SLC12A5: variants seen among roughly 807,000 people sequenced by gnomAD.
The protein encoded by SLC12A5 is K-Cl cotransporter 2.
SLC12A5 carries 18 observed loss-of-function variants against 124.0 expected under a neutral mutation model. That is an observed-to-expected ratio of 0.15 (90% confidence interval 0.10 to 0.22). SLC12A5 has a LOEUF of 0.22. SLC12A5 is among the 10% of genes least tolerant of loss of function. SLC12A5 has a pLI of 1.00. For synonymous variants in SLC12A5, 589 were observed against 568.0 expected (o/e 1.04, Z -0.53); for missense variants, 867 against 1,478.7 (o/e 0.59, Z 6.78).
In SLC12A5 at chr20:46,059,817, T is replaced by C. The variant is rs1568871591; in HGVS notation, c.*2212T>C. On this transcript the variant is annotated 3_prime_UTR_variant, in exon 26 of 26. Coordinates refer to ENST00000243964, the MANE Select transcript of SLC12A5 (RefSeq NM_020708.5). ...TCAATAGCCTTGTAGTGATAACTAG[T>C]GTTGCTTTTGTTTTAGATGATCTAT... 1 of 395,578 alleles carries C rather than the reference T, an allele frequency of 2.5e-6. No individual in the cohort carries two copies. The highest frequency in any genetic ancestry group is 4.5e-6 in the Non-Finnish European group (1 of 224,518). The allele number at this position is 395,578 out of a possible 1,614,324, so 24.5% of individuals were successfully genotyped here. A position where few individuals can be genotyped will look rare whatever the true frequency, so the allele number is the denominator to read the frequency against.
Position 46,034,836 on chromosome 20 carries a change from T to C in SLC12A5, c.53-112T>C, listed in dbSNP as rs11699481. ...AAGGAAGGTGGTATTAGCCCCATTT[T>C]CCCAATGCGCGAACTGAGATTCAGA... is the stretch of plus-strand genomic sequence containing the variant. On this transcript the variant is annotated intron_variant, in intron 1 of 25. Transcript: ENST00000243964. 0.38 allele frequency: 350,728 copies of C among 928,350 alleles called. 75,552 individuals carry two copies. Among genetic ancestry groups the C allele is most frequent in the Middle Eastern group, 0.49 (2,149 of 4,418 alleles). The allele number at this position is 928,350 out of a possible 1,614,324, so 57.5% of individuals were successfully genotyped here. A position where few individuals can be genotyped will look rare whatever the true frequency, so the allele number is the denominator to read the frequency against.
Position 46,052,949 on chromosome 20 carries a change from TC to T in SLC12A5, c.2378-5del. 6.2e-7 allele frequency: 1 copy of T among 1,602,274 alleles called. No homozygotes were observed. Among genetic ancestry groups the T allele is most frequent in the South Asian group, 1.1e-5 (1 of 90,494 alleles). On this transcript the variant is annotated splice_region_variant and splice_polypyrimidine_tract_variant and intron_variant, in intron 18 of 25. Coordinates refer to ENST00000243964, the MANE Select transcript of SLC12A5 (RefSeq NM_020708.5). ...TCCCCCTCTGGCCCTCTCCTTGGCC[TC>T]CCTCAGAGCTGGTCCGGGAAACCAC...
chr20:46,039,777 A>G (rs1310815757), intron 6 of SLC12A5, among the ~76,000 whole-genome samples: 1 of 151,058 alleles, frequency 6.6e-6, no homozygotes, highest in African/African-American at 2.4e-5. Context: ...CTTTATTTCA[A>G]AAAAAAAACA....
At chr20:46,032,818 A>T (rs544029935) in intron 1 of SLC12A5, among the ~76,000 whole-genome samples, 49 of 152,276 alleles carry the variant, frequency 3.2e-4, no homozygotes, top group African/African-American at 1.1e-3. Flanking sequence ...TCAGCATTTT[A>T]AAAGGACCTC....
At position 46,044,949 on chromosome 20, in the gene SLC12A5, T is replaced by C. The variant is rs1451075393; in HGVS notation, c.1395-17T>C. The C allele has an allele frequency of 1.9e-6, 3 of 1,614,204 alleles. No homozygotes were observed. The highest frequency in any genetic ancestry group is 1.1e-5 in the South Asian group (1 of 91,086). Reference sequence around the variant, plus strand: ...GCAGCACTGCTCACCTGGCATCTCCTGTCCACATCATTCCAGGTTTGGCGA... The same window carrying C: ...GCAGCACTGCTCACCTGGCATCTCCCGTCCACATCATTCCAGGTTTGGCGA... On this transcript the variant is annotated splice_polypyrimidine_tract_variant and intron_variant, in intron 11 of 25. Coordinates refer to ENST00000243964, the MANE Select transcript of SLC12A5 (RefSeq NM_020708.5).
intron 7 of SLC12A5, chr20:46,040,912 G>A: frequency 2.2e-6 from 1 of 455,596 alleles, no homozygotes; most frequent in South Asian, 2.5e-5. Flanking sequence ...GTCTGTGGTA[G>A]GGAAACCTTT....
At chr20:46,054,725 A>G (rs927714007) in intron 20 of SLC12A5, among the ~76,000 whole-genome samples, 191 bp from the exon 21 acceptor site, 1 of 152,186 alleles carries the variant, frequency 6.6e-6, no homozygotes, top group Admixed American at 6.5e-5. Context: ...TTGCAAGAGC[A>G]TTGCCCTCTC....
At position 46,054,426 on chromosome 20, in the gene SLC12A5, C is replaced by T. The variant is rs76840165; in HGVS notation, c.2680-490C>T. On this transcript the variant is annotated intron_variant, in intron 20 of 25. Transcript: ENST00000243964. ...AAACCCAGGCAGGCTGGCTCTAGAGCGTGTGCCCCTGGTGATTATCCTGTA... is the reference window on the plus strand; with the variant it reads ...AAACCCAGGCAGGCTGGCTCTAGAGTGTGTGCCCCTGGTGATTATCCTGTA... Among the ~76,000 whole-genome samples, 574 of 152,292 alleles carry T rather than the reference C, an allele frequency of 3.8e-3. 4 individuals carry two copies. The highest frequency in any genetic ancestry group is 0.013 in the African/African-American group (536 of 41,552).
At chr20:46,039,556 C>G (rs900059801) in intron 6 of SLC12A5, among the ~76,000 whole-genome samples, 1 of 152,118 alleles carries the variant, frequency 6.6e-6, no homozygotes, top group African/African-American at 2.4e-5. Context: ...AGTTGGATCA[C>G]CTGAGGTCAG....
chr20:46,053,120 C>A lies in SLC12A5; in HGVS notation c.2541C>A (p.His847Gln), dbSNP rs1190180234. 5.6e-6 allele frequency: 9 copies of A among 1,609,428 alleles called. No individual in the cohort carries two copies. In the Admixed American group the frequency reaches 1.2e-4, roughly 21 times the overall value. Residue 847 changes from histidine to glutamine, a missense_variant, in exon 19 of 26, where the codon CAC (histidine) becomes CAA (glutamine). By Grantham distance (24) the His-to-Gln change is conservative. Around this residue, in one of 9 missense-constraint regions of SLC12A5, gnomAD observed 70 missense variants for 157.2 expected, o/e 0.45. Coordinates refer to ENST00000243964, the MANE Select transcript of SLC12A5 (RefSeq NM_020708.5). The surrounding 1 kb of genome is among the most constrained non-coding windows in gnomAD (Gnocchi z 4.7). ...MLMLLPFLLR[H>Q]HKVWRKCKMR... The stretch of plus-strand genomic sequence containing the variant: ...TGCTGCTGCCCTTCCTGCTGCGGCA[C>A]CACAAGGTGAGTTGTGTGCGTGAGT...
chr20:46,040,741 C>T (rs901271213), intron 7 of SLC12A5, 127 bp downstream of exon 7: 65 of 1,411,360 alleles, frequency 4.6e-5, no homozygotes, highest in Non-Finnish European at 6.1e-5. Context: ...GGAGTAGCTT[C>T]CCTTGGGAGG....
chr20:46,031,294 C>G (rs560586035), intron 1 of SLC12A5, among the ~76,000 whole-genome samples: 1 of 152,292 alleles, frequency 6.6e-6, no homozygotes, highest in South Asian at 2.1e-4. Flanking sequence ...GCGGACCCAT[C>G]TGGAGACCTT....
rs2084631715 is a variant in SLC12A5, at chr20:46,049,750, C to A, written c.2141C>A (p.Thr714Asn). The A allele has an allele frequency of 1.2e-6, 2 of 1,602,664 alleles. No homozygotes were observed. Among genetic ancestry groups the A allele is most frequent in the Non-Finnish European group, 1.7e-6 (2 of 1,175,300 alleles). Reference sequence around the variant, plus strand: ...ATCGTGGGCTCTGTCCTTGAGGGCACCTTTCTGGAAAATCATCCACAGGCC... The same window carrying A: ...ATCGTGGGCTCTGTCCTTGAGGGCAACTTTCTGGAAAATCATCCACAGGCC... ...LTIVGSVLEG[T>N]FLENHPQAQR... The change falls in exon 17 of 26, where the codon ACC (threonine) becomes AAC (asparagine). Residue 714 changes from threonine (T) to asparagine (N), a missense_variant. Transcript: ENST00000243964.
rs2084666644 is a variant in SLC12A5, at chr20:46,053,820, C to T, written c.2679+111C>T. ...ATCAGCTTATGATGCTGGATCCTTT[C>T]CCCCTCATCCATCTCTTAGCCTCTC... On this transcript the variant is annotated intron_variant, in intron 20 of 25. Transcript: ENST00000243964. This position sits in a 1 kb window ranked among gnomAD's most constrained non-coding sequence, Gnocchi z 4.7. 9 of 1,223,656 alleles carry T rather than the reference C, an allele frequency of 7.4e-6. No individual in the cohort carries two copies. The highest frequency in any genetic ancestry group is 2.6e-5 in the East Asian group (1 of 37,986). 75.8% of individuals were successfully genotyped at this position (1,223,656 alleles called of 1,614,324 possible). A position where few individuals can be genotyped will look rare whatever the true frequency, so the allele number is the denominator to read the frequency against.
At chr20:46,024,999 T>C (rs2084385380), upstream of SLC12A5, among the ~76,000 whole-genome samples, 1 of 152,286 alleles carries the variant, frequency 6.6e-6, no homozygotes, top group African/African-American at 2.4e-5. Flanking sequence ...AGCTAACTTA[T>C]GCTGGGAGGA....
intron 1 of SLC12A5, 91 bp downstream of exon 1, chr20:46,029,487 A>G: frequency 7.2e-7 from 1 of 1,390,510 alleles, no homozygotes. Flanking sequence ...CACCTCCTTC[A>G]GAGAGGAGGC....
chr20:46,056,941 CT>C lies in SLC12A5; in HGVS notation c.3125+31del, dbSNP rs764170732. On this transcript the variant is annotated intron_variant, in intron 24 of 25. Coordinates refer to ENST00000243964, the MANE Select transcript of SLC12A5 (RefSeq NM_020708.5). The surrounding 1 kb of genome is among the most constrained non-coding windows in gnomAD (Gnocchi z 4.3). ...GTGCTTCAGCATTTTTTCATTCTCT[CT>C]CCTAGGATGGCCAGGGTCCCTACCC... The C allele has an allele frequency of 6.2e-7, 1 of 1,613,996 alleles. No homozygotes were observed. Among genetic ancestry groups the C allele is most frequent in the South Asian group, 1.1e-5 (1 of 91,084 alleles).
Position 46,045,714 on chromosome 20 carries a change from C to G in SLC12A5, c.1570-164C>G, listed in dbSNP as rs1040045761. Among the ~76,000 whole-genome samples, 1 of 152,166 alleles carries G rather than the reference C, an allele frequency of 6.6e-6. No homozygotes were observed. The highest frequency in any genetic ancestry group is 1.5e-5 in the Non-Finnish European group (1 of 68,032). ...CAGGGTGGGCAAGATGCAGCGAAAG[C>G]CTGTTATCCATTTGCATTCTCCTGG... On this transcript the variant is annotated intron_variant, in intron 12 of 25. Transcript: ENST00000243964. The surrounding 1 kb of genome is among the most constrained non-coding windows in gnomAD (Gnocchi z 4.9).
At position 46,053,414 on chromosome 20, in the gene SLC12A5, G is replaced by C. The variant is rs2145504049; in HGVS notation, c.2548-164G>C. On this transcript the variant is annotated intron_variant, in intron 19 of 25. Transcript: ENST00000243964. This position sits in a 1 kb window ranked among gnomAD's most constrained non-coding sequence, Gnocchi z 4.7. ...ATGGGGGACCCTCAGACCTAAGCAG[G>C]GAAGGTTTTGTAGAGAGTGGCCCCA... 6.6e-6 allele frequency among the ~76,000 whole-genome samples: 1 copy of C among 152,216 alleles called. No individual in the cohort carries two copies. The highest frequency in any genetic ancestry group is 1.9e-4 in the East Asian group (1 of 5,200).
Sources: allele counts gnomAD v4.1 joint callset (sites outside exome capture counted in the v4.1 genomes callset), GRCh38; gene constraint gnomAD v4.1.1; regional missense constraint gnomAD v4.1.1; non-coding constraint Gnocchi (gnomAD v3.1); transcripts MANE v1.5; gene names NCBI Gene and HGNC (gene_info 2026-07-23, HGNC 2026-07-21).